Variants in CORO2B observed in about 807,000 individuals in gnomAD.
The protein encoded by CORO2B is coronin 2B.
CORO2B carries 26 observed loss-of-function variants against 58.8 expected under a neutral mutation model. The observed-to-expected ratio is 0.44, with a 90% confidence interval of 0.32 to 0.61. The LOEUF is 0.61. Ranked by LOEUF, CORO2B falls within the 20% of genes least tolerant of loss-of-function variation. CORO2B has a pLI of 0.04. For synonymous variants in CORO2B, 242 were observed against 253.8 expected, an observed-to-expected ratio of 0.95 and a Z score of 0.44; for missense variants, 460 against 645.1, an observed-to-expected ratio of 0.71 and a Z score of 3.11.
chr15:68,698,189 G>A (rs992519429), intron 3 of CORO2B, among the ~76,000 whole-genome samples: 34 of 152,318 alleles, frequency 2.2e-4, no homozygotes, highest in African/African-American at 7.7e-4. Context: ...TGGCCTGCTC[G>A]CTGCAAAGCC....
At chr15:68,714,176 A>G in intron 6 of CORO2B, 135 bp downstream of exon 6, 1 of 634,390 alleles carries the variant, frequency 1.6e-6, no homozygotes, top group South Asian at 1.9e-5. Flanking sequence ...AATCAGACAG[A>G]GACCCCCAGA....
rs1344955282 is a variant in CORO2B, at chr15:68,711,720, T to G, written c.648+14T>G. ...CGTGTTCTGCAGGTGGAACCCTACA[T>G]TTTTTGAGATTGAAGGGGAAGGTAT... On this transcript the variant is annotated intron_variant, in intron 5 of 11. Transcript: ENST00000261861. 3.7e-6 allele frequency: 6 copies of G among 1,613,376 alleles called. No homozygotes were observed. Among genetic ancestry groups the G allele is most frequent in the Non-Finnish European group, 5.1e-6 (6 of 1,179,740 alleles).
At chr15:68,568,509 A>G in the CORO2B span, among the ~76,000 whole-genome samples, 104,165 of 151,910 alleles carry the variant, frequency 0.69, 36,061 homozygotes, top group East Asian at 0.87. Context: ...AGCTGAGGAC[A>G]CTGGGACCCC....
intron 1 of CORO2B, among the ~76,000 whole-genome samples, chr15:68,603,004 GTT>G (rs1332584398): frequency 1.3e-5 from 2 of 152,138 alleles, no homozygotes; most frequent in African/African-American, 4.8e-5. Context: ...AACACCATCT[GTT>G]TCCCCTGAGC....
chr15:68,642,255 C>G (rs1901273324), intron 1 of CORO2B, among the ~76,000 whole-genome samples: 1 of 152,040 alleles, frequency 6.6e-6, no homozygotes, highest in East Asian at 1.9e-4. Flanking sequence ...AAGTGATTTG[C>G]CCAAGTCACA....
chr15:68,662,759 G>A (rs1022663865), intron 2 of CORO2B, among the ~76,000 whole-genome samples: 7 of 152,142 alleles, frequency 4.6e-5, no homozygotes, highest in Non-Finnish European at 8.8e-5. Flanking sequence ...ATTAACATTT[G>A]TTTACATTTT....
intron 3 of CORO2B, among the ~76,000 whole-genome samples, chr15:68,709,811 T>C (rs1892872965): frequency 6.6e-6 from 1 of 152,172 alleles, no homozygotes; most frequent in Non-Finnish European, 1.5e-5. Flanking sequence ...TAGAGCACTT[T>C]GCAGTTTATA....
chr15:68,657,157 C>A lies in CORO2B; in HGVS notation c.216+11797C>A, dbSNP rs1160326147. Among the ~76,000 whole-genome samples, 5 of 150,478 alleles carry A rather than the reference C, an allele frequency of 3.3e-5. No homozygotes were observed. In the East Asian group the frequency reaches 9.7e-4, roughly 29 times the overall value. ...GATCCTTTTGGCAGTCTAGAAAAACCCATAGACCCCTTCACAGAATAAAGT... is the reference window on the plus strand; with the variant it reads ...GATCCTTTTGGCAGTCTAGAAAAACACATAGACCCCTTCACAGAATAAAGT... On this transcript the variant is annotated intron_variant, in intron 2 of 11. Coordinates refer to ENST00000261861, the MANE Select transcript of CORO2B (RefSeq NM_006091.5).
chr15:68,673,257 C>G (rs558326953), intron 2 of CORO2B, among the ~76,000 whole-genome samples: 1 of 152,042 alleles, frequency 6.6e-6, no homozygotes, highest in Non-Finnish European at 1.5e-5. Flanking sequence ...AAGAGGAGGT[C>G]GGGCACAATG....
chr15:68,667,529 T>C (rs1488911942), intron 2 of CORO2B, among the ~76,000 whole-genome samples: 2 of 152,260 alleles, frequency 1.3e-5, no homozygotes, highest in Non-Finnish European at 2.9e-5. Flanking sequence ...GAGAAATCTT[T>C]TGAGGCCCAG....
intron 11 of CORO2B, among the ~76,000 whole-genome samples, chr15:68,723,229 C>CTT: frequency 6.3e-5 from 9 of 143,340 alleles, no homozygotes; most frequent in Admixed American, 1.4e-4. Flanking sequence ...TCAAGCAATT[C>CTT]TCCTGCCTTA....
At chr15:68,694,139 T>C (rs1892453421) in intron 2 of CORO2B, among the ~76,000 whole-genome samples, 2 of 152,072 alleles carry the variant, frequency 1.3e-5, no homozygotes, top group African/African-American at 4.8e-5. Flanking sequence ...CCCGGCTTGG[T>C]TGTGTTATAA....
At chr15:68,629,521 A>G (rs1250911970) in intron 1 of CORO2B, among the ~76,000 whole-genome samples, 1 of 152,212 alleles carries the variant, frequency 6.6e-6, no homozygotes, top group Non-Finnish European at 1.5e-5. Flanking sequence ...GTGGTTTGGT[A>G]CTCAGGCAAC....
At chr15:68,644,863 A>G (rs1307017823) in intron 1 of CORO2B, among the ~76,000 whole-genome samples, 8 of 152,142 alleles carry the variant, frequency 5.3e-5, no homozygotes, top group Non-Finnish European at 1.2e-4. Flanking sequence ...CTGGGTAGTA[A>G]AAGGACCCTA....
At chr15:68,702,839 TTTTTTGAGACAGAGTCTCAC>T (rs1892687799) in intron 3 of CORO2B, among the ~76,000 whole-genome samples, 3 of 144,308 alleles carry the variant, frequency 2.1e-5, no homozygotes, top group African/African-American at 7.7e-5. Flanking sequence ...TTTTTTTTTT[TTTTTTGAGACAGAGTCTCAC>T]TTTGGCACCC....
chr15:68,627,901 G>A (rs1016493053), intron 1 of CORO2B, among the ~76,000 whole-genome samples: 3 of 152,042 alleles, frequency 2.0e-5, no homozygotes, highest in African/African-American at 7.2e-5. Flanking sequence ...AGCTTCTGGT[G>A]TAGAAGTTCG....
At chr15:68,532,451 C>T in the CORO2B span, among the ~76,000 whole-genome samples, 2 of 152,200 alleles carry the variant, frequency 1.3e-5, no homozygotes, top group Admixed American at 6.5e-5. Flanking sequence ...TTTCATTTCA[C>T]ATATTGTATT....
the CORO2B span, among the ~76,000 whole-genome samples, chr15:68,562,220 G>A: frequency 6.6e-6 from 1 of 152,176 alleles, no homozygotes; most frequent in Non-Finnish European, 1.5e-5. Flanking sequence ...GGTTGACTAT[G>A]GGGTGCAGGT....
chr15:68,610,373 G>A (rs1220724830), intron 1 of CORO2B, among the ~76,000 whole-genome samples: 3 of 152,264 alleles, frequency 2.0e-5, no homozygotes, highest in Admixed American at 6.5e-5. Flanking sequence ...CTTGGGCCCT[G>A]CATGCATCCT....
Sources: gnomAD v4.1 joint callset for allele counts (sites outside exome capture counted in the v4.1 genomes callset) on GRCh38, gnomAD v4.1.1 for gene constraint, MANE v1.5 for transcripts, NCBI Gene and HGNC (gene_info 2026-07-23, HGNC 2026-07-21) for gene names.